Variants in ESCO2 observed in about 807,000 individuals in gnomAD.
The protein encoded by ESCO2 is N-acetyltransferase ESCO2.
In ESCO2, 51 loss-of-function variants were observed where a neutral mutation model predicts 61.7. That is an observed-to-expected ratio of 0.83 (90% confidence interval 0.66 to 1.04). The LOEUF is 1.04. Ranked by LOEUF, ESCO2 falls within the 50% of genes least tolerant of loss-of-function variation. The pLI is 0.00. For synonymous variants in ESCO2, 230 were observed against 238.2 expected, an observed-to-expected ratio of 0.97 and a Z score of 0.32; for missense variants, 692 against 686.2, an observed-to-expected ratio of 1.01 and a Z score of -0.09.
At chr8:27,808,409 C>T (rs997365295), downstream of ESCO2, 20 of 196,360 alleles carry the variant, frequency 1.0e-4, no homozygotes, top group Non-Finnish European at 1.5e-4. Context: ...GTCCTGGGCA[C>T]GGTGGCTCAC....
intron 5 of ESCO2, among the ~76,000 whole-genome samples, chr8:27,784,991 T>C (rs1488800525): frequency 1.3e-5 from 2 of 152,196 alleles, no homozygotes; most frequent in Non-Finnish European, 1.5e-5. Flanking sequence ...TTATTGAAGA[T>C]GGGAGCTGTC....
At chr8:27,812,183 T>C (rs1256342742), downstream of ESCO2, 1 of 152,172 alleles carries the variant, frequency 6.6e-6, no homozygotes, top group Admixed American at 6.6e-5. Flanking sequence ...GTTTTTCTTG[T>C]AGACAGCCTT....
intron 10 of ESCO2, among the ~76,000 whole-genome samples, chr8:27,799,949 C>T (rs1805388441): frequency 6.6e-6 from 1 of 150,628 alleles, no homozygotes; most frequent in Admixed American, 6.7e-5. Flanking sequence ...ACTACCTGTG[C>T]TAAAGGACTA....
upstream of ESCO2, chr8:27,774,521 TC>T (rs1442574702): frequency 6.6e-6 from 1 of 152,220 alleles, no homozygotes; most frequent in African/African-American, 2.4e-5. Flanking sequence ...CGCAGCGGCT[TC>T]CTCCTAGCCT....
chr8:27,803,593 T>G lies in ESCO2; in HGVS notation c.*155T>G, dbSNP rs886062867. Reference sequence around the variant, plus strand: ...GCACACACACATATCACAGTTTTGTTCCTTATGAGTTGAAAAGTCAGGAAT... The same window carrying G: ...GCACACACACATATCACAGTTTTGTGCCTTATGAGTTGAAAAGTCAGGAAT... On this transcript the variant is annotated 3_prime_UTR_variant, in exon 11 of 11. Transcript: ENST00000305188. 1 of 1,392,484 alleles carries G rather than the reference T, an allele frequency of 7.2e-7. No homozygotes were observed. The highest frequency in any genetic ancestry group is 3.1e-5 in the Admixed American group (1 of 31,828). The allele number at this position is 1,392,484 out of a possible 1,614,324, so 86.3% of individuals were successfully genotyped here.
rs902480787 is a variant in ESCO2, at chr8:27,792,818, T to G, written c.1497+7T>G. The stretch of plus-strand genomic sequence containing the variant: ...TGCAGAACCCATCAAACAGGTATGG[T>G]ATATTTGTTTTAAATTATTGGCATA... On this transcript the variant is annotated splice_region_variant and intron_variant, in intron 9 of 10. Transcript: ENST00000305188. The G allele has an allele frequency of 1.3e-6, 2 of 1,567,272 alleles. No homozygotes were observed. The highest frequency in any genetic ancestry group is 2.7e-5 in the African/African-American group (2 of 72,910).
intron 9 of ESCO2, among the ~76,000 whole-genome samples, chr8:27,793,719 T>C (rs1261321650): frequency 1.3e-5 from 2 of 152,036 alleles, no homozygotes; most frequent in African/African-American, 4.8e-5. Flanking sequence ...ACTCCTGACC[T>C]CCTGATCCAC....
chr8:27,805,732 C>T (rs1410077856), downstream of ESCO2, among the ~76,000 whole-genome samples: 1 of 152,100 alleles, frequency 6.6e-6, no homozygotes, highest in Non-Finnish European at 1.5e-5. Flanking sequence ...CGCCTGAGCT[C>T]CCTAAGTAGC....
downstream of ESCO2, among the ~76,000 whole-genome samples, chr8:27,813,038 C>T (rs1284736351): frequency 6.6e-6 from 1 of 152,154 alleles, no homozygotes; most frequent in Non-Finnish European, 1.5e-5. Flanking sequence ...TTTATTGTGG[C>T]ACTATTCACA....
chr8:27,779,955 G>A (rs911552682), intron 3 of ESCO2: 9 of 462,838 alleles, frequency 1.9e-5, no homozygotes, highest in African/African-American at 1.2e-4. Flanking sequence ...ATGAGCCACC[G>A]GGCCCTGCTG....
In ESCO2 at chr8:27,792,298, G is replaced by A. The variant is rs562167244; in HGVS notation, c.1353+246G>A. ...AAAGATAAACTAAGCTTTCAATGTT[G>A]AGAAATTAATGGCCCCCAGGGTCTA... On this transcript the variant is annotated intron_variant, in intron 8 of 10. Coordinates refer to ENST00000305188, the MANE Select transcript of ESCO2 (RefSeq NM_001017420.3). 0.019 allele frequency among the ~76,000 whole-genome samples: 2,917 copies of A among 152,076 alleles called. 101 individuals carry two copies. Among genetic ancestry groups the A allele is most frequent in the African/African-American group, 0.066 (2,754 of 41,484 alleles).
intron 3 of ESCO2, 190 bp downstream of exon 3, chr8:27,777,359 G>T: frequency 2.0e-6 from 1 of 500,662 alleles, no homozygotes. Context: ...AGGCTGTAGT[G>T]CAGTGGCACA....
At chr8:27,813,412 G>GT (rs1445107392), downstream of ESCO2, among the ~76,000 whole-genome samples, 1 of 152,092 alleles carries the variant, frequency 6.6e-6, no homozygotes, top group Admixed American at 6.5e-5. Flanking sequence ...GTATACCTAT[G>GT]TAACAAACCT....
chr8:27,791,178 A>G (rs1010258900), intron 7 of ESCO2, among the ~76,000 whole-genome samples: 1 of 152,248 alleles, frequency 6.6e-6, no homozygotes, highest in African/African-American at 2.4e-5. Flanking sequence ...AACCTAGTGT[A>G]TACTTAGAAA....
At chr8:27,808,335 G>A (rs1805604899), downstream of ESCO2, 1 of 571,330 alleles carries the variant, frequency 1.8e-6, no homozygotes, top group African/African-American at 2.0e-5. Flanking sequence ...AGATTTCCTG[G>A]GAGGTGAGAA....
chr8:27,783,973 A>G (rs1245834796), intron 4 of ESCO2, 27 bp from the exon 5 acceptor site: 10 of 1,577,184 alleles, frequency 6.3e-6, no homozygotes, highest in Non-Finnish European at 8.7e-6. Context: ...TTGGTAATAC[A>G]CATTATCATG....
At chr8:27,818,096 C>G in the ESCO2 span, among the ~76,000 whole-genome samples, 103 of 152,320 alleles carry the variant, frequency 6.8e-4, 3 homozygotes, top group East Asian at 0.015. Flanking sequence ...CATATAGTGG[C>G]TGTTCCATCA....
In ESCO2 at chr8:27,782,170, A is replaced by G. The variant is rs528883956; in HGVS notation, c.956-1830A>G. 9.2e-5 allele frequency among the ~76,000 whole-genome samples: 14 copies of G among 152,240 alleles called. 2 individuals are homozygous for G. The South Asian group carries it at 2.7e-3, about 29-fold the overall frequency. The stretch of plus-strand genomic sequence containing the variant: ...GTGAGACACTTAGTTCCTACTATTC[A>G]CTATCCATCTACTTATTTGTTCTGT... On this transcript the variant is annotated intron_variant, in intron 4 of 10. Transcript: ENST00000305188.
chr8:27,810,746 A>C (rs1805661606), downstream of ESCO2, among the ~76,000 whole-genome samples: 1 of 152,052 alleles, frequency 6.6e-6, no homozygotes, highest in Non-Finnish European at 1.5e-5. Context: ...TCATTTTCTC[A>C]GGAAAGGGGA....
Sources: allele counts gnomAD v4.1 joint callset (sites outside exome capture counted in the v4.1 genomes callset), GRCh38; gene constraint gnomAD v4.1.1; transcripts MANE v1.5; gene names NCBI Gene and HGNC (gene_info 2026-07-23, HGNC 2026-07-21).